ANO6: variants seen among roughly 807,000 people sequenced by gnomAD.
ANO6 encodes anoctamin-6.
A neutral mutation model predicts 117.5 loss-of-function variants in ANO6; 106 were observed. That is an observed-to-expected ratio of 0.90 (90% CI 0.77 to 1.06). ANO6 has a LOEUF of 1.06. ANO6 is among the 50% of genes least tolerant of loss of function. The probability of loss-of-function intolerance (pLI) is 0.00; values close to 1 mark genes in which losing one functional copy is unlikely to be tolerated. For synonymous variants in ANO6, 367 were observed against 385.1 expected (o/e 0.95, Z 0.55); for missense variants, 955 against 1,121.1 (o/e 0.85, Z 2.12).
chr12:45,232,787 G>A (rs1165197493), intron 1 of ANO6, among the ~76,000 whole-genome samples: 1 of 152,158 alleles, frequency 6.6e-6, no homozygotes, highest in African/African-American at 2.4e-5. Flanking sequence ...GCCCTGGGTT[G>A]GAAGGCAACA....
At chr12:45,324,372 A>G (rs968922570) in intron 2 of ANO6, among the ~76,000 whole-genome samples, 1 of 152,204 alleles carries the variant, frequency 6.6e-6, no homozygotes, top group South Asian at 2.1e-4. Context: ...TAATATCTAT[A>G]TAAAACATGA....
chr12:45,263,029 A>G (rs78434928), intron 1 of ANO6, among the ~76,000 whole-genome samples: 2,215 of 152,098 alleles, frequency 0.015, 45 homozygotes, highest in East Asian at 0.068. Context: ...CTTGAGGTAT[A>G]ATTTGCATAA....
At chr12:45,439,936 T>C in exon 20 of ANO6, 14 of 1,473,756 alleles carry the variant, frequency 9.5e-6, no homozygotes, top group Non-Finnish European at 1.3e-5. Context: ...TTTCTTAAGT[T>C]AGATTTATTC....
chr12:45,421,706 A>G (rs1943370666), intron 18 of ANO6, among the ~76,000 whole-genome samples: 4 of 152,262 alleles, frequency 2.6e-5, no homozygotes. Context: ...ATCTGAAGAT[A>G]TTGAATGATG....
chr12:45,236,915 G>A (rs757262259), intron 1 of ANO6, among the ~76,000 whole-genome samples: 2 of 152,054 alleles, frequency 1.3e-5, no homozygotes, highest in Non-Finnish European at 2.9e-5. Flanking sequence ...TTTAATGATC[G>A]CCATTCTAAC....
chr12:45,318,008 A>C (rs762244565), intron 2 of ANO6, among the ~76,000 whole-genome samples: 10 of 152,270 alleles, frequency 6.6e-5, no homozygotes, highest in Non-Finnish European at 1.3e-4. Context: ...AGTTCTTTGT[A>C]GATTTTGGAT....
chr12:45,424,577 T>G (rs1943452530), intron 19 of ANO6, among the ~76,000 whole-genome samples: 1 of 152,010 alleles, frequency 6.6e-6, no homozygotes, highest in South Asian at 2.1e-4. Flanking sequence ...CCTCAAGTGA[T>G]CTGCCCTCCT....
chr12:45,286,202 G>T (rs867670014), intron 1 of ANO6, among the ~76,000 whole-genome samples: 1 of 152,296 alleles, frequency 6.6e-6, no homozygotes, highest in African/African-American at 2.4e-5. Flanking sequence ...ATCTCCTCGT[G>T]TTGCCTAGGC....
chr12:45,424,414 C>T (rs77727342), intron 19 of ANO6, among the ~76,000 whole-genome samples: 6,334 of 141,808 alleles, frequency 0.045, 466 homozygotes, highest in African/African-American at 0.15. Context: ...TCTTAGCTCA[C>T]TGCAACCTCT....
At chr12:45,323,859 GTT>G (rs5797939) in intron 2 of ANO6, among the ~76,000 whole-genome samples, 15 of 148,518 alleles carry the variant, frequency 1.0e-4, no homozygotes, top group Admixed American at 3.4e-4. Flanking sequence ...GTTTTGTAAG[GTT>G]TTTTTTTTAT....
chr12:45,361,425 CT>C (rs1434119432), intron 8 of ANO6, among the ~76,000 whole-genome samples: 1 of 152,056 alleles, frequency 6.6e-6, no homozygotes, highest in African/African-American at 2.4e-5. Flanking sequence ...CTTATTTGCT[CT>C]AATAGTATTT....
In ANO6 at chr12:45,287,239, TGA is replaced by T. The variant is rs1396964949; in HGVS notation, c.71-14768_71-14767del. ...ATATTGAACAGAGAGCTGAATAATG[TGA>T]GAGAGAATGCTACCTAAGGCCGAGT... On this transcript the variant is annotated intron_variant, in intron 1 of 19. Coordinates refer to ENST00000320560, the MANE Select transcript of ANO6 (RefSeq NM_001025356.3). 9.2e-5 allele frequency among the ~76,000 whole-genome samples: 14 copies of T among 152,116 alleles called. 1 individual carries two copies. The highest frequency in any genetic ancestry group is 2.1e-4 in the Non-Finnish European group (14 of 68,012).
At chr12:45,425,788 T>C (rs183228090) in intron 19 of ANO6, among the ~76,000 whole-genome samples, 1 of 152,318 alleles carries the variant, frequency 6.6e-6, no homozygotes, top group East Asian at 1.9e-4. Context: ...AAGAGTAGCC[T>C]AAATCCTAAA....
At chr12:45,276,725 T>G (rs1938566886) in intron 1 of ANO6, among the ~76,000 whole-genome samples, 1 of 152,188 alleles carries the variant, frequency 6.6e-6, no homozygotes, top group African/African-American at 2.4e-5. Flanking sequence ...AAAGGGACAT[T>G]TTCTGTTTTA....
chr12:45,227,510 T>C (rs1947502774), intron 1 of ANO6, among the ~76,000 whole-genome samples: 1 of 152,122 alleles, frequency 6.6e-6, no homozygotes, highest in African/African-American at 2.4e-5. Context: ...TCCTGTGTGG[T>C]TGCTGGGAGG....
At position 45,429,458 on chromosome 12, in the gene ANO6, A is replaced by G. The variant is rs927909753; in HGVS notation, c.*147A>G. On this transcript the variant is annotated 3_prime_UTR_variant, in exon 20 of 20. Coordinates refer to ENST00000320560, the MANE Select transcript of ANO6 (RefSeq NM_001025356.3). ...TCCTCATGTATTATTTTTCAGTTTC[A>G]GCTAGCGATGCAGAAACTGGAAAAT... 2.7e-6 allele frequency: 4 copies of G among 1,476,578 alleles called. No individual in the cohort carries two copies. The African/African-American group carries it at 5.7e-5, about 21-fold the overall frequency. 91.5% of individuals were successfully genotyped at this position (1,476,578 alleles called of 1,614,324 possible). A position where few individuals can be genotyped will look rare whatever the true frequency, so the allele number is the denominator to read the frequency against.
chr12:45,316,789 TATAAC>T (rs1053260949), intron 2 of ANO6, among the ~76,000 whole-genome samples: 38 of 151,502 alleles, frequency 2.5e-4, no homozygotes, highest in Admixed American at 6.6e-4. Context: ...ATTATACTAT[TATAAC>T]ATATGATGTA....
At chr12:45,295,855 T>G (rs1651838556) in intron 1 of ANO6, among the ~76,000 whole-genome samples, 1 of 151,704 alleles carries the variant, frequency 6.6e-6, no homozygotes, top group Non-Finnish European at 1.5e-5. Context: ...TTAAATTTTT[T>G]TATTTTTATT....
At chr12:45,294,474 G>A (rs1402751200) in intron 1 of ANO6, among the ~76,000 whole-genome samples, 3 of 152,298 alleles carry the variant, frequency 2.0e-5, no homozygotes, top group East Asian at 3.9e-4. Flanking sequence ...TGTTGAGAAG[G>A]GGGCCAGGTG....
Sources: allele counts gnomAD v4.1 joint callset (sites outside exome capture counted in the v4.1 genomes callset), GRCh38; gene constraint gnomAD v4.1.1; transcripts MANE v1.5; gene names NCBI Gene and HGNC (gene_info 2026-07-23, HGNC 2026-07-21).